The following FAM228B variants were observed in gnomAD, a reference collection of about 807,000 sequenced individuals.
FAM228B encodes protein FAM228B.
A neutral mutation model predicts 42.6 loss-of-function variants in FAM228B; 38 were observed. The observed-to-expected ratio is 0.89, with a 90% CI of 0.69 to 1.17. The LOEUF (loss-of-function observed/expected upper bound fraction) is 1.17, where lower values mean the gene tolerates loss of function less well. Among genes scored for constraint, FAM228B ranks in the 50% most tolerant of loss-of-function variants. FAM228B has a pLI of 0.00. For synonymous variants in FAM228B, 109 were observed against 122.3 expected (o/e 0.89, Z 0.72); for missense variants, 344 against 367.3 (o/e 0.94, Z 0.52).
chr2:24,156,719 A>G (rs960181469), intron 7 of FAM228B, among the ~76,000 whole-genome samples: 6 of 151,774 alleles, frequency 4.0e-5, no homozygotes, highest in African/African-American at 1.5e-4. Context: ...ATCTATAATA[A>G]CATTTATTAT....
intron 3 of FAM228B, among the ~76,000 whole-genome samples, chr2:24,110,488 C>T (rs1040953413): frequency 6.6e-6 from 1 of 152,068 alleles, no homozygotes; most frequent in Non-Finnish European, 1.5e-5. Flanking sequence ...ATCATATAGC[C>T]GATGATTCAG....
At chr2:24,086,617 C>T (rs865913656) in intron 2 of FAM228B, among the ~76,000 whole-genome samples, 5 of 152,002 alleles carry the variant, frequency 3.3e-5, no homozygotes, top group Admixed American at 6.6e-5. Context: ...CCTCCTGCCT[C>T]AGCCTCCCAA....
chr2:24,109,054 T>C (rs1665746110), intron 3 of FAM228B, among the ~76,000 whole-genome samples: 1 of 151,108 alleles, frequency 6.6e-6, no homozygotes, highest in South Asian at 2.1e-4. Flanking sequence ...AACAGCATGG[T>C]ACTGGTACAA....
chr2:24,119,957 T>C (rs575902301), upstream of FAM228B, among the ~76,000 whole-genome samples: 7 of 152,278 alleles, frequency 4.6e-5, no homozygotes, highest in East Asian at 5.8e-4. Context: ...GATTATCATA[T>C]ACCCCATCCC....
At chr2:24,087,731 C>T (rs1665293756) in intron 2 of FAM228B, among the ~76,000 whole-genome samples, 2 of 152,014 alleles carry the variant, frequency 1.3e-5, no homozygotes, top group South Asian at 4.2e-4. Context: ...CTGCCTCAGC[C>T]TCCCGAGTAG....
At chr2:24,153,295 G>A (rs1667062422) in intron 7 of FAM228B, among the ~76,000 whole-genome samples, 1 of 152,190 alleles carries the variant, frequency 6.6e-6, no homozygotes. Context: ...AGCTAGGAAT[G>A]TTCTGGGTCA....
At chr2:24,094,118 C>A (rs1416833670) in intron 2 of FAM228B, among the ~76,000 whole-genome samples, 1 of 144,262 alleles carries the variant, frequency 6.9e-6, no homozygotes, top group Non-Finnish European at 1.5e-5. Flanking sequence ...TAGCTTACTG[C>A]AGTGTTGACC....
chr2:24,098,032 T>C (rs1665535893), intron 3 of FAM228B, among the ~76,000 whole-genome samples: 1 of 152,196 alleles, frequency 6.6e-6, no homozygotes. Flanking sequence ...CCTGAATGAC[T>C]ACTGGATACA....
chr2:24,121,305 A>G (rs367971215), upstream of FAM228B: 14 of 1,614,058 alleles, frequency 8.7e-6, no homozygotes, highest in Non-Finnish European at 1.2e-5. Context: ...CGTTACCTGG[A>G]GAGGTTACAT....
chr2:24,156,873 T>A (rs1667162395), intron 7 of FAM228B, among the ~76,000 whole-genome samples: 1 of 150,758 alleles, frequency 6.6e-6, no homozygotes, highest in African/African-American at 2.4e-5. Flanking sequence ...TCTTTATTTC[T>A]CTTCTGCCGG....
At chr2:24,085,088 G>A (rs1665200379) in intron 2 of FAM228B, 1 of 152,182 alleles carries the variant, frequency 6.6e-6, no homozygotes, top group Admixed American at 6.5e-5. Flanking sequence ...ACCTCTTGGC[G>A]GGCGGATTGG....
intron 3 of FAM228B, among the ~76,000 whole-genome samples, chr2:24,109,171 C>CAAAAAAAAAAAAAAAAAAAAAAAAGAAA (rs70944716): frequency 2.1e-5 from 2 of 96,052 alleles, no homozygotes; most frequent in Non-Finnish European, 4.1e-5. Flanking sequence ...AGAGTAATGG[C>CAAAAAAAAAAAAAAAAAAAAAAAAGAAA]AAAAAAAAAA....
chr2:24,111,012 A>C (rs1042916741), intron 3 of FAM228B, among the ~76,000 whole-genome samples: 1 of 152,090 alleles, frequency 6.6e-6, no homozygotes, highest in African/African-American at 2.4e-5. Flanking sequence ...TCCCACTTTG[A>C]ATGGGCCCAA....
chr2:24,155,529 A>ATTT (rs1339609655), intron 7 of FAM228B, among the ~76,000 whole-genome samples: 42 of 12,656 alleles, frequency 3.3e-3, no homozygotes, highest in African/African-American at 7.6e-3. Context: ...ATATATATAT[A>ATTT]TATTTTTTTT....
At chr2:24,161,662 G>T in intron 8 of FAM228B, 49 bp downstream of exon 8, 1 of 1,146,018 alleles carries the variant, frequency 8.7e-7, no homozygotes, top group Non-Finnish European at 1.3e-6. Flanking sequence ...AAGATGCTAG[G>T]CTGTGCTGCC....
At chr2:24,104,776 G>A (rs1233865979) in intron 3 of FAM228B, among the ~76,000 whole-genome samples, 2 of 151,998 alleles carry the variant, frequency 1.3e-5, no homozygotes, top group African/African-American at 4.8e-5. Flanking sequence ...GTCATAGGAA[G>A]CACCCAAATG....
At chr2:24,082,730 C>T (rs559103835) in intron 2 of FAM228B, among the ~76,000 whole-genome samples, 1 of 152,304 alleles carries the variant, frequency 6.6e-6, no homozygotes, top group Non-Finnish European at 1.5e-5. Context: ...TTCTCAGCCT[C>T]AACATTAAAC....
intron 9 of FAM228B, among the ~76,000 whole-genome samples, chr2:24,164,960 G>A (rs548325714): frequency 3.8e-4 from 58 of 151,912 alleles, no homozygotes; most frequent in Non-Finnish European, 6.3e-4. Flanking sequence ...AAAGGATCCC[G>A]GGAAAAAACT....
chr2:24,120,988 C>T (rs1030037160), upstream of FAM228B, among the ~76,000 whole-genome samples: 1 of 148,704 alleles, frequency 6.7e-6, no homozygotes, highest in African/African-American at 2.4e-5. Flanking sequence ...AAACCAGGCT[C>T]TTGATAGGAC....
Sources: allele counts gnomAD v4.1 joint callset (sites outside exome capture counted in the v4.1 genomes callset), GRCh38; gene constraint gnomAD v4.1.1; transcripts MANE v1.5; gene names NCBI Gene and HGNC (gene_info 2026-07-23, HGNC 2026-07-21).